Variants in NFIA observed in about 807,000 individuals in gnomAD.
NFIA encodes the protein nuclear factor 1 A-type.
A neutral mutation model predicts 62.8 loss-of-function variants in NFIA; 8 were observed. The ratio of observed to expected loss-of-function variants is 0.13; its 90% confidence interval spans 0.07 to 0.23. The LOEUF (loss-of-function observed/expected upper bound fraction) is 0.23, where lower values mean the gene tolerates loss of function less well. Ranked by LOEUF, NFIA falls within the 10% of genes least tolerant of loss-of-function variation. The probability of loss-of-function intolerance (pLI) is 1.00; values close to 1 mark genes in which losing one functional copy is unlikely to be tolerated. For synonymous variants in NFIA, 235 were observed against 238.1 expected (o/e 0.99, Z 0.12); for missense variants, 410 against 642.1 (o/e 0.64, Z 3.91).
chr1:61,104,156 G>A (rs1016956692), intron 2 of NFIA, among the ~76,000 whole-genome samples: 3 of 152,124 alleles, frequency 2.0e-5, no homozygotes, highest in African/African-American at 7.2e-5. Context: ...CATTTTTAAA[G>A]AGCACAATTT....
chr1:61,088,384 G>C lies in NFIA; in HGVS notation c.263G>C (p.Arg88Pro). The change falls in exon 2 of 11, where the codon CGA becomes CCA. Residue 88 changes from arginine (R) to proline (P), a missense_variant. Physicochemically the swap from Arg to Pro is moderately radical, Grantham distance 103 (BLOSUM62 -2). This residue lies in a region of NFIA where 86 missense variants were observed against 124.6 expected (regional missense o/e 0.69). Coordinates refer to ENST00000403491, the MANE Select transcript of NFIA (RefSeq NM_001134673.4). This position sits in a 1 kb window ranked among gnomAD's most constrained non-coding sequence, Gnocchi z 4.5. ...KLRKDIRPEYREDFVLTVTGK... is the reference protein window; with the variant it reads ...KLRKDIRPEYPEDFVLTVTGK... ...CGGAAAGATATCCGACCCGAATATC[G>C]AGAGGATTTTGTTCTTACAGTTACA... 1 of 1,613,748 alleles carries C rather than the reference G, an allele frequency of 6.2e-7. No homozygotes were observed. The highest frequency in any genetic ancestry group is 8.5e-7 in the Non-Finnish European group (1 of 1,179,932).
intron 2 of NFIA, among the ~76,000 whole-genome samples, chr1:61,136,294 TC>T (rs1215421704): frequency 4.6e-5 from 7 of 152,336 alleles, no homozygotes; most frequent in Admixed American, 2.6e-4. Context: ...CAAGCATAGT[TC>T]ATCTGTGCTG....
chr1:61,160,772 C>T (rs766303691), intron 2 of NFIA, among the ~76,000 whole-genome samples: 35 of 152,208 alleles, frequency 2.3e-4, no homozygotes, highest in Non-Finnish European at 3.8e-4. Flanking sequence ...TTCCTCCTTA[C>T]TCTCTTCCTG....
intron 6 of NFIA, among the ~76,000 whole-genome samples, chr1:61,362,593 T>C (rs1253645947): frequency 1.3e-5 from 2 of 152,234 alleles, no homozygotes; most frequent in African/African-American, 4.8e-5. Flanking sequence ...TTACATGGGC[T>C]ATTTCAAATG....
chr1:61,399,829 C>T (rs1420696842), intron 7 of NFIA, among the ~76,000 whole-genome samples: 1 of 152,168 alleles, frequency 6.6e-6, no homozygotes, highest in Non-Finnish European at 1.5e-5. Flanking sequence ...TACAAGACCT[C>T]CTCCCCATAG....
chr1:61,394,769 A>G (rs185021884), intron 7 of NFIA, among the ~76,000 whole-genome samples: 204 of 152,272 alleles, frequency 1.3e-3, no homozygotes, highest in African/African-American at 4.7e-3. Context: ...CTCAAATCCT[A>G]TGGGGTGAAT....
At chr1:61,128,034 T>C (rs567863694) in intron 2 of NFIA, among the ~76,000 whole-genome samples, 1 of 152,188 alleles carries the variant, frequency 6.6e-6, no homozygotes, top group Non-Finnish European at 1.5e-5. Context: ...TGGCAAATCT[T>C]ATTTCATGTG....
At chr1:61,089,884 A>G (rs1646289801) in intron 2 of NFIA, among the ~76,000 whole-genome samples, 2 of 152,164 alleles carry the variant, frequency 1.3e-5, no homozygotes, top group South Asian at 2.1e-4. Context: ...CCCTTACATA[A>G]GAAACTGGAG....
intron 2 of NFIA, among the ~76,000 whole-genome samples, chr1:61,260,452 C>A (rs1196608971): frequency 6.6e-6 from 1 of 152,160 alleles, no homozygotes; most frequent in Non-Finnish European, 1.5e-5. Flanking sequence ...GCTTGGTGAG[C>A]CTTTTTTGTT....
rs143229726 is a variant in NFIA, at chr1:61,247,523, G to A, written c.560-29997G>A. The stretch of plus-strand genomic sequence containing the variant: ...ATGTCATGCAGGCCTTGTGACAGGT[G>A]TTACAGCTCCCCACCTGGCACGGTC... On this transcript the variant is annotated intron_variant, in intron 2 of 10. Transcript: ENST00000403491. 3.2e-4 allele frequency among the ~76,000 whole-genome samples: 48 copies of A among 152,290 alleles called. No individual in the cohort carries two copies. The East Asian group carries it at 8.9e-3, about 28-fold the overall frequency.
chr1:61,219,886 C>A (rs935691707), intron 2 of NFIA, among the ~76,000 whole-genome samples: 2 of 152,008 alleles, frequency 1.3e-5, no homozygotes, highest in Non-Finnish European at 2.9e-5. Context: ...TCACTTGGAC[C>A]CGGGAGGCAG....
At chr1:61,316,050 CTGA>C (rs1330950584) in intron 3 of NFIA, among the ~76,000 whole-genome samples, 1 of 152,164 alleles carries the variant, frequency 6.6e-6, no homozygotes, top group East Asian at 1.9e-4. Context: ...CACATACGGA[CTGA>C]TAAGCCAATC....
At chr1:61,347,064 G>T (rs6678955) in intron 4 of NFIA, among the ~76,000 whole-genome samples, 6,198 of 151,910 alleles carry the variant, frequency 0.041, 422 homozygotes, top group African/African-American at 0.14. Flanking sequence ...GGTGAGATTT[G>T]GGTGGGGACA....
intron 2 of NFIA, among the ~76,000 whole-genome samples, chr1:61,251,983 G>A (rs1038185336): frequency 6.7e-6 from 1 of 149,448 alleles, no homozygotes; most frequent in Admixed American, 6.6e-5. Context: ...TAACTCCAAT[G>A]AGGAGTTTCT....
At chr1:61,134,453 G>A (rs1647142478) in intron 2 of NFIA, among the ~76,000 whole-genome samples, 1 of 152,086 alleles carries the variant, frequency 6.6e-6, no homozygotes, top group African/African-American at 2.4e-5. Flanking sequence ...TGGAAAGCGG[G>A]GTCTGCTGTT....
chr1:61,394,457 G>C (rs1665166404), intron 7 of NFIA, among the ~76,000 whole-genome samples: 1 of 152,206 alleles, frequency 6.6e-6, no homozygotes, highest in African/African-American at 2.4e-5. Flanking sequence ...ACAGGCGTGA[G>C]CCACCATGCC....
At chr1:61,193,524 G>T (rs1055885943) in intron 2 of NFIA, among the ~76,000 whole-genome samples, 1 of 152,174 alleles carries the variant, frequency 6.6e-6, no homozygotes, top group African/African-American at 2.4e-5. Context: ...AGTTTTTAAT[G>T]TATGGTAAAA....
rs116468168 is a variant in NFIA, at chr1:61,292,321, A to G, written c.625+14736A>G. On this transcript the variant is annotated intron_variant, in intron 3 of 10. Coordinates refer to ENST00000403491, the MANE Select transcript of NFIA (RefSeq NM_001134673.4). Reference sequence around the variant, plus strand: ...CAAAATGGCACTCAGTAAATATTTTAGGGTGAATGAATGAATGGGTAAATG... The same window carrying G: ...CAAAATGGCACTCAGTAAATATTTTGGGGTGAATGAATGAATGGGTAAATG... 7.2e-3 allele frequency among the ~76,000 whole-genome samples: 1,092 copies of G among 152,322 alleles called. 9 individuals are homozygous for G. Among genetic ancestry groups the G allele is most frequent in the East Asian group, 9.8e-3 (51 of 5,188 alleles).
At chr1:61,377,722 T>G (rs1212040914) in intron 6 of NFIA, among the ~76,000 whole-genome samples, 4 of 152,186 alleles carry the variant, frequency 2.6e-5, no homozygotes, top group Admixed American at 2.0e-4. Context: ...AGTTATATCT[T>G]CTCTGACAAC....
Sources: allele counts gnomAD v4.1 joint callset (sites outside exome capture counted in the v4.1 genomes callset), GRCh38; gene constraint gnomAD v4.1.1; regional missense constraint gnomAD v4.1.1; non-coding constraint Gnocchi (gnomAD v3.1); transcripts MANE v1.5; gene names NCBI Gene and HGNC (gene_info 2026-07-23, HGNC 2026-07-21).